FANCB: variants seen among roughly 807,000 people sequenced by gnomAD.
FANCB encodes the protein FA complementation group B.
FANCB carries 5 observed loss-of-function variants against 38.9 expected under a neutral mutation model. The ratio of observed to expected loss-of-function variants is 0.13; its 90% CI spans 0.07 to 0.27. The LOEUF is 0.27. Ranked by LOEUF, FANCB falls within the 10% of genes least tolerant of loss-of-function variation. The pLI is 1.00. For missense variants in FANCB, 573 were observed against 602.7 expected (o/e 0.95, Z 0.52); for synonymous variants, 236 against 215.4 (o/e 1.10, Z -0.84).
At chrX:14,709,293 A>C in the FANCB span, among the ~76,000 whole-genome samples, 1 of 111,700 alleles carries the variant, frequency 9.0e-6, no homozygotes, top group African/African-American at 3.3e-5. Context: ...ACTGTGTTAC[A>C]TACCTTCATG....
chrX:14,770,436 T>G, the FANCB span, among the ~76,000 whole-genome samples: 22 of 112,102 alleles, frequency 2.0e-4, no homozygotes, highest in East Asian at 5.9e-3. Context: ...AAGTATGTTT[T>G]GTCAGAAACT....
At chrX:14,767,532 GTTTT>G in the FANCB span, among the ~76,000 whole-genome samples, 2 of 105,823 alleles carry the variant, frequency 1.9e-5, no homozygotes, top group Non-Finnish European at 3.9e-5. Context: ...ACTTTTCATT[GTTTT>G]TTTTTTCTTG....
At chrX:14,739,180 T>C in the FANCB span, among the ~76,000 whole-genome samples, 3 of 112,184 alleles carry the variant, frequency 2.7e-5, no homozygotes, top group African/African-American at 9.7e-5. Flanking sequence ...TTTTCATAGA[T>C]TATAAAGTAG....
At chrX:14,697,159 A>C in the FANCB span, among the ~76,000 whole-genome samples, 1 of 111,692 alleles carries the variant, frequency 9.0e-6, no homozygotes, top group Non-Finnish European at 1.9e-5. Flanking sequence ...ACTCTTCTAG[A>C]TACTTTACAT....
intron 3 of FANCB, chrX:14,862,291 G>A (rs2092450055): frequency 9.0e-6 from 1 of 111,353 alleles, no homozygotes; most frequent in Non-Finnish European, 1.9e-5. Context: ...TTTAAAACAG[G>A]GCATTTGAGA....
At chrX:14,723,270 G>A in the FANCB span, among the ~76,000 whole-genome samples, 2 of 112,007 alleles carry the variant, frequency 1.8e-5, no homozygotes, top group Admixed American at 9.5e-5. Context: ...TCCATCTAGT[G>A]GTTTAAGCTG....
chrX:14,734,501 C>T, the FANCB span, among the ~76,000 whole-genome samples: 5 of 111,163 alleles, frequency 4.5e-5, no homozygotes, highest in African/African-American at 1.3e-4. Context: ...TGGCTGGATA[C>T]GAAATTCTGG....
At chrX:14,752,980 G>GACAC in the FANCB span, among the ~76,000 whole-genome samples, 1,015 of 68,463 alleles carry the variant, frequency 0.015, 12 homozygotes, top group East Asian at 0.029. Flanking sequence ...CTCTCTCTCT[G>GACAC]ACACACACAC....
chrX:14,843,679 A>T lies in FANCB; in HGVS notation c.2468T>A (p.Met823Lys), dbSNP rs1416389551. ...ACTCACTTTTAGGTTCGTTTGCAAC[A>T]TTTTCTTCTTTTCTCTCTGAAGTTC... ...RKELQREKKK[M>K]LQTNLKVSGA... Residue 823 changes from methionine (M) to lysine (K), a missense_variant, in exon 10 of 10, where the codon ATG becomes AAG. By Grantham distance (95) the Met-to-Lys change is moderately conservative. Coordinates refer to ENST00000650831, the MANE Select transcript of FANCB (RefSeq NM_001018113.3). 10 of 1,208,493 alleles carry T rather than the reference A, an allele frequency of 8.3e-6. No individual in the cohort carries two copies. The highest frequency in any genetic ancestry group is 1.1e-5 in the Non-Finnish European group (10 of 894,135).
At chrX:14,828,363 T>C in the FANCB span, among the ~76,000 whole-genome samples, 1 of 112,419 alleles carries the variant, frequency 8.9e-6, no homozygotes, top group Non-Finnish European at 1.9e-5. Flanking sequence ...ACAGTAGAAC[T>C]TCTTTCAAAA....
chrX:14,713,114 T>A, the FANCB span, among the ~76,000 whole-genome samples: 1 of 112,060 alleles, frequency 8.9e-6, no homozygotes, highest in Non-Finnish European at 1.9e-5. Context: ...TGAAGCACGA[T>A]AAAGATCTAG....
chrX:14,799,694 A>G, the FANCB span, among the ~76,000 whole-genome samples: 1 of 111,981 alleles, frequency 8.9e-6, no homozygotes, highest in Non-Finnish European at 1.9e-5. Context: ...GAAAGCTTCT[A>G]TCAAATCAGA....
chrX:14,769,202 C>A, the FANCB span, among the ~76,000 whole-genome samples: 2 of 111,509 alleles, frequency 1.8e-5, no homozygotes, highest in Non-Finnish European at 3.8e-5. Context: ...GGAGTCCCTC[C>A]TTTTCAATCT....
the FANCB span, among the ~76,000 whole-genome samples, chrX:14,691,271 CTGTGTGTGTGTG>C: frequency 0.048 from 4,051 of 85,153 alleles, 175 homozygotes; most frequent in African/African-American, 0.13. Context: ...TAAATATTGA[CTGTGTGTGTGTG>C]TGTGTGTGTG....
At chrX:14,745,432 G>T in the FANCB span, among the ~76,000 whole-genome samples, 1 of 111,213 alleles carries the variant, frequency 9.0e-6, no homozygotes, top group East Asian at 2.8e-4. Context: ...CCTAGGATAC[G>T]ACCATTTGCT....
intron 2 of FANCB, among the ~76,000 whole-genome samples, chrX:14,865,865 C>A (rs1388431344): frequency 8.9e-6 from 1 of 112,124 alleles, no homozygotes; most frequent in Non-Finnish European, 1.9e-5. Flanking sequence ...TTAAAAGTGA[C>A]TTCAGATATT....
At chrX:14,859,054 T>C in intron 4 of FANCB, 128 bp downstream of exon 4, 2 of 435,867 alleles carry the variant, frequency 4.6e-6, no homozygotes, top group East Asian at 3.8e-5. Flanking sequence ...ATTCAATCTA[T>C]ATATTTTTAA....
At chrX:14,789,845 T>C in the FANCB span, among the ~76,000 whole-genome samples, 9 of 112,169 alleles carry the variant, frequency 8.0e-5, no homozygotes, top group African/African-American at 2.9e-4. Flanking sequence ...GAATAGTTAC[T>C]AAATTCCTCT....
Position 14,859,309 on chromosome X carries a change from C to G in FANCB, c.977G>C (p.Ser326Thr), listed in dbSNP as rs1340160141. Residue 326 changes from serine to threonine, a missense_variant, in exon 4 of 10, where the codon AGC becomes ACC. Ser to Thr is a moderately conservative substitution (Grantham distance 58). Transcript: ENST00000650831. ...AATAAAGTCATCTATCAGTACTAAGCTAAGTTTTTCCCATTTAGCAGCAAC... is the reference window on the plus strand; with the variant it reads ...AATAAAGTCATCTATCAGTACTAAGGTAAGTTTTTCCCATTTAGCAGCAAC... Reference protein sequence around the residue: ...FQVAAKWEKLSLVLIDDFIGS... With the variant: ...FQVAAKWEKLTLVLIDDFIGS... The G allele has an allele frequency of 2.5e-6, 3 of 1,197,352 alleles. No individual in the cohort carries two copies. Among genetic ancestry groups the G allele is most frequent in the Non-Finnish European group, 3.4e-6 (3 of 883,335 alleles).
Sources: allele counts gnomAD v4.1 joint callset (sites outside exome capture counted in the v4.1 genomes callset), GRCh38; gene constraint gnomAD v4.1.1; transcripts MANE v1.5; gene names NCBI Gene and HGNC (gene_info 2026-07-23, HGNC 2026-07-21).